PINK1: variants seen among roughly 807,000 people sequenced by gnomAD.
PINK1 encodes PTEN induced kinase 1.
In PINK1, 58 loss-of-function variants were observed where a neutral mutation model predicts 56.0. The ratio of observed to expected loss-of-function variants is 1.04; its 90% CI spans 0.84 to 1.29. The LOEUF is 1.29. PINK1 is among the 50% of genes most tolerant of loss of function. The pLI, the probability that PINK1 is intolerant of heterozygous loss-of-function variation, is 0.00. For missense variants in PINK1, 745 were observed against 777.9 expected, an observed-to-expected ratio of 0.96 and a Z score of 0.50; for synonymous variants, 354 against 339.3, an observed-to-expected ratio of 1.04 and a Z score of -0.48.
chr1:20,634,033 C>A, intron 1 of PINK1, 98 bp downstream of exon 1: 1 of 1,435,332 alleles, frequency 7.0e-7, no homozygotes, highest in Non-Finnish European at 9.4e-7. Flanking sequence ...GGAGGCGGGG[C>A]TCTGAGCAGA....
chr1:20,649,288 C>T, intron 7 of PINK1, 57 bp downstream of exon 7: 1 of 1,572,378 alleles, frequency 6.4e-7, no homozygotes, highest in Admixed American at 1.7e-5. Flanking sequence ...TGTTCTCGTT[C>T]CAGAGTGAAG....
At chr1:20,634,104 A>G (rs1343668407) in intron 1 of PINK1, among the ~76,000 whole-genome samples, 169 bp downstream of exon 1, 1 of 152,214 alleles carries the variant, frequency 6.6e-6, no homozygotes, top group African/African-American at 2.4e-5. Flanking sequence ...ATCGGCTGCT[A>G]TAAATAAAGC....
chr1:20,639,456 G>A, intron 2 of PINK1: 1 of 269,032 alleles, frequency 3.7e-6, no homozygotes, highest in East Asian at 8.4e-5. Flanking sequence ...GGGGGATGGA[G>A]GAAGGCTGTT....
At position 20,644,530 on chromosome 1, in the gene PINK1, A is replaced by T; in HGVS notation, c.817A>T (p.Asn273Tyr). ...TCCCAAGCAACTAGCCCCTCACCCC[A>T]ACATCATCCGGGTTCTCCGCGCCTT... Reference protein sequence around the residue: ...RGPKQLAPHPNIIRVLRAFTS... With the variant: ...RGPKQLAPHPYIIRVLRAFTS... The change falls in exon 4 of 8, where the codon AAC (asparagine) becomes TAC (tyrosine). Residue 273 changes from asparagine (N) to tyrosine (Y), a missense_variant. Coordinates refer to ENST00000321556, the MANE Select transcript of PINK1 (RefSeq NM_032409.3). The T allele has an allele frequency of 6.2e-7, 1 of 1,614,186 alleles. No individual in the cohort carries two copies. The highest frequency in any genetic ancestry group is 8.5e-7 in the Non-Finnish European group (1 of 1,180,034).
intron 3 of PINK1, among the ~76,000 whole-genome samples, chr1:20,640,941 C>T (rs1020076946): frequency 6.6e-6 from 1 of 151,978 alleles, no homozygotes; most frequent in Non-Finnish European, 1.5e-5. Context: ...GAGGCTGAGG[C>T]GGGAGGATCA....
In PINK1 at chr1:20,650,925, T is replaced by C. The variant is rs2053263815; in HGVS notation, c.*234T>C. On this transcript the variant is annotated 3_prime_UTR_variant, in exon 8 of 8. Coordinates refer to ENST00000321556, the MANE Select transcript of PINK1 (RefSeq NM_032409.3). ...GCCAAGCTGGTCTAGTAGATGAGGC[T>C]GGACTGAGGAGGGGTAGGCCTGCAT... 3 of 582,112 alleles carry C rather than the reference T, an allele frequency of 5.2e-6. No homozygotes were observed. The highest frequency in any genetic ancestry group is 9.1e-6 in the Non-Finnish European group (3 of 328,404). 36.1% of individuals were successfully genotyped at this position (582,112 alleles called of 1,614,324 possible).
Position 20,648,571 on chromosome 1 carries a change from A to G in PINK1, c.1190A>G (p.Gln397Arg), listed in dbSNP as rs2053217073. The stretch of plus-strand genomic sequence containing the variant: ...CTGGCTGATGAGAGCATCGGCCTGC[A>G]GTTGCCCTTCAGCAGCTGGTACGTG... Reference protein sequence around the residue: ...CCLADESIGLQLPFSSWYVDR... With the variant: ...CCLADESIGLRLPFSSWYVDR... The change falls in exon 6 of 8, where the codon CAG (glutamine) becomes CGG (arginine). Residue 397 changes from glutamine to arginine, a missense_variant. Physicochemically the swap from Gln to Arg is conservative, Grantham distance 43. Coordinates refer to ENST00000321556, the MANE Select transcript of PINK1 (RefSeq NM_032409.3). 1 of 1,614,058 alleles carries G rather than the reference A, an allele frequency of 6.2e-7. No homozygotes were observed. Among genetic ancestry groups the G allele is most frequent in the African/African-American group, 1.3e-5 (1 of 74,928 alleles).
At position 20,637,931 on chromosome 1, in the gene PINK1, G is replaced by A. The variant is rs778207637; in HGVS notation, c.477G>A (p.Gly159=). The change falls in exon 2 of 8, where the codon GGG becomes GGA. Residue 159 remains glycine (G), a synonymous_variant. Transcript: ENST00000321556. The part of the protein sequence containing the change: ...QGFRLEEYLI[G]QSIGKGCSAA... ...TTCGGCTGGAGGAGTATCTGATAGG[G>A]CAGTCCATTGGTAAGGGCTGCAGTG... The A allele has an allele frequency of 1.2e-6, 2 of 1,614,062 alleles. No individual in the cohort carries two copies. Among genetic ancestry groups the A allele is most frequent in the Non-Finnish European group, 1.7e-6 (2 of 1,180,050 alleles).
rs1427977954 is a variant in PINK1, at chr1:20,638,052, G to A, written c.598G>A (p.Ala200Thr). 3.7e-6 allele frequency: 6 copies of A among 1,614,136 alleles called. No individual in the cohort carries two copies. The highest frequency in any genetic ancestry group is 4.2e-6 in the Non-Finnish European group (5 of 1,180,006). ...TCCAGGGAGAGGCCCAGGTACCAGT[G>A]CACCAGGAGAAGGGCAGGAGCGAGC... ...LLPGRGPGTS[A>T]PGEGQERAPG... The change falls in exon 2 of 8, where the codon GCA becomes ACA. Residue 200 changes from alanine (A) to threonine (T), a missense_variant. Transcript: ENST00000321556.
intron 2 of PINK1, 59 bp downstream of exon 2, chr1:20,638,188 G>A: frequency 6.4e-7 from 1 of 1,568,752 alleles, no homozygotes; most frequent in Admixed American, 1.8e-5. Flanking sequence ...ATCTTAGTGG[G>A]CCTGGTGAGG....
Position 20,633,729 on chromosome 1 carries a change from C to A in PINK1, c.181C>A (p.Leu61Ile). 1 of 1,533,360 alleles carries A rather than the reference C, an allele frequency of 6.5e-7. No individual in the cohort carries two copies. 95.0% of individuals were successfully genotyped at this position (1,533,360 alleles called of 1,614,324 possible). ...GGGCGCGGAGCCTCGCAGGGTCGGGCTCGGGCTCCCTAACCGTCTCCGCTT... is the reference window on the plus strand; with the variant it reads ...GGGCGCGGAGCCTCGCAGGGTCGGGATCGGGCTCCCTAACCGTCTCCGCTT... ...GPGAEPRRVGLGLPNRLRFFR... is the reference protein window; with the variant it reads ...GPGAEPRRVGIGLPNRLRFFR... The change falls in exon 1 of 8, where the codon CTC (leucine) becomes ATC (isoleucine). Residue 61 changes from leucine to isoleucine, a missense_variant. Physicochemically the swap from Leu to Ile is conservative, Grantham distance 5. Transcript: ENST00000321556.
intron 5 of PINK1, among the ~76,000 whole-genome samples, chr1:20,646,580 G>A (rs931310837): frequency 6.6e-6 from 1 of 152,024 alleles, no homozygotes; most frequent in Admixed American, 6.6e-5. Context: ...GGAGGCGGAG[G>A]TTGTAGTGAG....
chr1:20,648,467 G>A, intron 5 of PINK1, 38 bp from the exon 6 acceptor site: 1 of 1,613,542 alleles, frequency 6.2e-7, no homozygotes, highest in Non-Finnish European at 8.5e-7. Context: ...GAGGGAAGGA[G>A]GGGAGGAGAA....
intron 3 of PINK1, among the ~76,000 whole-genome samples, chr1:20,643,403 A>G (rs1185729024): frequency 2.6e-5 from 4 of 152,240 alleles, no homozygotes. Flanking sequence ...CACTACCACT[A>G]CTAGCTGCAT....
intron 1 of PINK1, among the ~76,000 whole-genome samples, chr1:20,637,060 G>A (rs1283808298): frequency 6.6e-6 from 1 of 152,230 alleles, no homozygotes; most frequent in East Asian, 1.9e-4. Context: ...GTGCCTGGTA[G>A]GCTATGGCCA....
chr1:20,648,312 T>TAA (rs1241244272), intron 5 of PINK1, 193 bp from the exon 6 acceptor site: 1 of 710,640 alleles, frequency 1.4e-6, no homozygotes, highest in African/African-American at 1.8e-5. Flanking sequence ...AGCCTGTACT[T>TAA]ACTGGAGGCA....
At chr1:20,646,239 T>C (rs1570405430) in intron 5 of PINK1, among the ~76,000 whole-genome samples, 1 of 151,940 alleles carries the variant, frequency 6.6e-6, no homozygotes, top group African/African-American at 2.4e-5. Context: ...GAGTCTGCAA[T>C]GAGCTATGAA....
At chr1:20,640,398 A>G (rs900385696) in intron 3 of PINK1, among the ~76,000 whole-genome samples, 8 of 79,836 alleles carry the variant, frequency 1.0e-4, no homozygotes, top group Non-Finnish European at 5.6e-5. Context: ...AAGAGATTTT[A>G]AAAAAAACAA....
At position 20,633,860 on chromosome 1, in the gene PINK1, C is replaced by A; in HGVS notation, c.312C>A (p.Phe104Leu). ...GCGGCCGGGCAGTCTTTCTGGCCTT[C>A]GGGCTAGGGCTGGGCCTCATCGAGG... ...GPCGRAVFLAFGLGLGLIEEK... is the reference protein window; with the variant it reads ...GPCGRAVFLALGLGLGLIEEK... Residue 104 changes from phenylalanine to leucine, a missense_variant, in exon 1 of 8, where the codon TTC becomes TTA. Physicochemically the swap from Phe to Leu is conservative, Grantham distance 22 (BLOSUM62 0). Transcript: ENST00000321556. The A allele has an allele frequency of 6.3e-7, 1 of 1,577,786 alleles. No homozygotes were observed. The highest frequency in any genetic ancestry group is 8.6e-7 in the Non-Finnish European group (1 of 1,164,256).
Sources: gnomAD v4.1 joint callset for allele counts (sites outside exome capture counted in the v4.1 genomes callset) on GRCh38, gnomAD v4.1.1 for gene constraint, MANE v1.5 for transcripts, NCBI Gene and HGNC (gene_info 2026-07-23, HGNC 2026-07-21) for gene names.